GALNT13: variants seen among roughly 807,000 people sequenced by gnomAD.
GALNT13 encodes UDP-GalNAc:polypeptide N-acetylgalactosaminyltransferase 13.
Under a neutral mutation model 64.2 loss-of-function variants are expected in GALNT13, and 28 were observed. The observed-to-expected ratio is 0.44, with a 90% CI of 0.32 to 0.60. The LOEUF is 0.60. GALNT13 is among the 20% of genes least tolerant of loss of function. The pLI is 0.05. For missense variants in GALNT13, 577 were observed against 669.8 expected, an observed-to-expected ratio of 0.86 and a Z score of 1.53; for synonymous variants, 214 against 224.6, an observed-to-expected ratio of 0.95 and a Z score of 0.42.
At chr2:154,046,363 T>C (rs1699287911) in intron 3 of GALNT13, among the ~76,000 whole-genome samples, 1 of 152,084 alleles carries the variant, frequency 6.6e-6, no homozygotes, top group Non-Finnish European at 1.5e-5. Context: ...CATTTGTAGA[T>C]ACAAACACAT....
At chr2:153,872,479 G>A (rs1574010583) in intron 1 of GALNT13, among the ~76,000 whole-genome samples, 176 bp downstream of exon 1, 1 of 152,036 alleles carries the variant, frequency 6.6e-6, no homozygotes, top group Admixed American at 6.5e-5. Context: ...GGCGGACCTG[G>A]CGACGCGGCC....
chr2:153,973,277 A>G (rs1218002600), intron 3 of GALNT13, among the ~76,000 whole-genome samples: 2 of 151,956 alleles, frequency 1.3e-5, no homozygotes, highest in East Asian at 1.9e-4. Flanking sequence ...ATAATTTACA[A>G]CCTTGCTTTT....
At chr2:154,252,367 T>C (rs1161107968) in intron 7 of GALNT13, among the ~76,000 whole-genome samples, 3 of 150,626 alleles carry the variant, frequency 2.0e-5, no homozygotes, top group African/African-American at 7.3e-5. Flanking sequence ...ATTATTTTTT[T>C]TTTTTTGAGA....
chr2:153,725,464 A>T, the GALNT13 span, among the ~76,000 whole-genome samples: 23,807 of 150,568 alleles, frequency 0.16, 3,230 homozygotes, highest in African/African-American at 0.36. Flanking sequence ...AATTAAAAAA[A>T]AATAATAATA....
At chr2:153,636,531 A>C in the GALNT13 span, among the ~76,000 whole-genome samples, 1 of 152,164 alleles carries the variant, frequency 6.6e-6, no homozygotes, top group African/African-American at 2.4e-5. Flanking sequence ...TTTAAATTCA[A>C]ACGTTCTCCC....
At chr2:153,955,647 A>G (rs1261010584) in intron 3 of GALNT13, among the ~76,000 whole-genome samples, 1 of 152,186 alleles carries the variant, frequency 6.6e-6, no homozygotes, top group Non-Finnish European at 1.5e-5. Context: ...GATTTGATGC[A>G]GGACTGGCAA....
the GALNT13 span, among the ~76,000 whole-genome samples, chr2:153,339,816 C>A: frequency 6.6e-6 from 1 of 152,030 alleles, no homozygotes; most frequent in Non-Finnish European, 1.5e-5. Flanking sequence ...ATTTTTTGCA[C>A]GTAAATATCC....
chr2:153,309,103 A>G, the GALNT13 span, among the ~76,000 whole-genome samples: 11 of 152,154 alleles, frequency 7.2e-5, no homozygotes, highest in Admixed American at 1.3e-4. Context: ...TCTAAATAAA[A>G]CTGACACTTA....
chr2:153,455,975 C>T, the GALNT13 span, among the ~76,000 whole-genome samples: 2 of 152,196 alleles, frequency 1.3e-5, no homozygotes, highest in African/African-American at 2.4e-5. Flanking sequence ...TACTAGCCCC[C>T]TGAAGTCCGG....
the GALNT13 span, among the ~76,000 whole-genome samples, chr2:153,452,133 T>C: frequency 7.5e-4 from 114 of 152,324 alleles, no homozygotes; most frequent in Middle Eastern, 3.4e-3. Context: ...TTTCAGCACT[T>C]GATGCTCTTT....
chr2:154,299,112 T>C (rs1404409024), intron 8 of GALNT13, among the ~76,000 whole-genome samples: 1 of 149,524 alleles, frequency 6.7e-6, no homozygotes, highest in Non-Finnish European at 1.5e-5. Flanking sequence ...AGATAGGATA[T>C]AGATATTAAA....
chr2:153,127,878 C>T, the GALNT13 span, among the ~76,000 whole-genome samples: 1 of 152,150 alleles, frequency 6.6e-6, no homozygotes, highest in Non-Finnish European at 1.5e-5. Context: ...GTTCCTTTGA[C>T]CACTTGAATA....
intron 3 of GALNT13, among the ~76,000 whole-genome samples, chr2:153,972,740 C>T (rs763242658): frequency 6.6e-6 from 1 of 151,950 alleles, no homozygotes; most frequent in Admixed American, 6.6e-5. Context: ...ACTTCCCTCA[C>T]CTAACATAGA....
At chr2:153,127,545 C>A in the GALNT13 span, among the ~76,000 whole-genome samples, 1 of 67,856 alleles carries the variant, frequency 1.5e-5, no homozygotes, top group East Asian at 5.1e-4. Flanking sequence ...TTCCGAGGAA[C>A]CTGGGGAACC....
chr2:154,092,634 A>G (rs2105443049), intron 3 of GALNT13, among the ~76,000 whole-genome samples: 1 of 152,182 alleles, frequency 6.6e-6, no homozygotes, highest in Non-Finnish European at 1.5e-5. Flanking sequence ...AGTGGCTTGA[A>G]GGGTAACCAG....
the GALNT13 span, among the ~76,000 whole-genome samples, chr2:153,742,464 G>C: frequency 1.3e-5 from 2 of 152,012 alleles, no homozygotes; most frequent in African/African-American, 2.4e-5. Flanking sequence ...CTTGTTACAT[G>C]TATACAATGC....
intron 2 of GALNT13, among the ~76,000 whole-genome samples, chr2:153,932,123 G>A (rs915747761): frequency 5.3e-5 from 8 of 152,012 alleles, no homozygotes; most frequent in Admixed American, 5.2e-4. Flanking sequence ...TTGTATTTCT[G>A]TGGAGTCAGT....
chr2:154,434,015 G>A (rs556261330), intron 11 of GALNT13, among the ~76,000 whole-genome samples: 1 of 152,188 alleles, frequency 6.6e-6, no homozygotes, highest in African/African-American at 2.4e-5. Flanking sequence ...TAGGACACAT[G>A]CAAACAGAGA....
At chr2:153,141,108 A>AGCGTTGAC in the GALNT13 span, among the ~76,000 whole-genome samples, 23 of 147,616 alleles carry the variant, frequency 1.6e-4, no homozygotes, top group Admixed American at 1.6e-3. Context: ...CATATGTAAA[A>AGCGTTGAC]TCAGGAAATA....
Sources: allele counts gnomAD v4.1 joint callset (sites outside exome capture counted in the v4.1 genomes callset), GRCh38; gene constraint gnomAD v4.1.1; transcripts MANE v1.5; gene names NCBI Gene and HGNC (gene_info 2026-07-23, HGNC 2026-07-21).